Variants in MRS2 observed in about 807,000 individuals in gnomAD.
MRS2 encodes the protein magnesium transporter MRS2 homolog, mitochondrial.
In MRS2, 40 loss-of-function variants were observed where a neutral mutation model predicts 52.6. That is an observed-to-expected ratio of 0.76 (90% CI 0.59 to 0.99). MRS2 has a LOEUF of 0.99. Ranked by LOEUF, MRS2 falls within the 50% of genes least tolerant of loss-of-function variation. MRS2 has a pLI of 0.00. For missense variants in MRS2, 472 were observed against 532.7 expected, an observed-to-expected ratio of 0.89 and a Z score of 1.12; for synonymous variants, 193 against 195.9, an observed-to-expected ratio of 0.98 and a Z score of 0.13.
chr6:24,419,479 A>G (rs1357461020), intron 9 of MRS2, among the ~76,000 whole-genome samples: 1 of 152,214 alleles, frequency 6.6e-6, no homozygotes, highest in Non-Finnish European at 1.5e-5. Context: ...ATGTCTGGCA[A>G]CGTACCAGGC....
rs76582568 is a variant in MRS2 at position 24,412,203 on chromosome 6, G to GT, written c.415-6dup. On this transcript the variant is annotated intron_variant, in intron 4 of 10. Coordinates refer to ENST00000378386, the MANE Select transcript of MRS2 (RefSeq NM_020662.4). Reference sequence around the variant, plus strand: ...TACACTCACATATTTATATGTTTTGGTTTTTTTTTTTTTAACAGTATTTGA... The same window carrying GT: ...TACACTCACATATTTATATGTTTTGGTTTTTTTTTTTTTTAACAGTATTTGA... 222,878 of 1,098,076 alleles carry GT rather than the reference G, an allele frequency of 0.2. 1,165 individuals are homozygous for GT. The highest frequency in any genetic ancestry group is 0.22 in the South Asian group (12,953 of 59,430). 68.0% of individuals were successfully genotyped at this position (1,098,076 alleles called of 1,614,324 possible).
At chr6:24,418,786 C>G (rs1488453449) in intron 9 of MRS2, 1 of 396,986 alleles carries the variant, frequency 2.5e-6, no homozygotes, top group Non-Finnish European at 4.7e-6. Flanking sequence ...GTAATCCCAG[C>G]TACTTGGGAG....
intron 2 of MRS2, among the ~76,000 whole-genome samples, chr6:24,406,412 C>T (rs1346610032): frequency 1.3e-5 from 2 of 151,918 alleles, no homozygotes; most frequent in Non-Finnish European, 2.9e-5. Flanking sequence ...TAAATAACCC[C>T]CAGAATTGCG....
rs1475187332 is a variant in MRS2, at chr6:24,425,835, T to TA, written c.*2142dup. ...ACTGTTAAGCAGCACTAACCAATTT[T>TA]ATATTAAAAAGCTATTTATTTTGGT... On this transcript the variant is annotated 3_prime_UTR_variant, in exon 11 of 11. Transcript: ENST00000378386. 3 of 152,264 alleles carry TA rather than the reference T, an allele frequency of 2.0e-5. No homozygotes were observed. The highest frequency in any genetic ancestry group is 7.2e-5 in the African/African-American group (3 of 41,476). 9.4% of individuals were successfully genotyped at this position (152,264 alleles called of 1,614,324 possible). A position where few individuals can be genotyped will look rare whatever the true frequency, so the allele number is the denominator to read the frequency against.
chr6:24,420,949 C>G (rs1259043242), intron 9 of MRS2, among the ~76,000 whole-genome samples: 1 of 152,080 alleles, frequency 6.6e-6, no homozygotes, highest in East Asian at 1.9e-4. Context: ...TAGGAACCCA[C>G]TGGAGGTTTG....
At chr6:24,418,282 A>G (rs769791388) in intron 8 of MRS2, 46 bp downstream of exon 8, 3 of 1,473,494 alleles carry the variant, frequency 2.0e-6, no homozygotes, top group African/African-American at 2.9e-5. Context: ...TAAAATAATT[A>G]TAAGAAAGTT....
intron 3 of MRS2, 89 bp downstream of exon 3, chr6:24,408,533 A>G: frequency 1.1e-6 from 1 of 951,994 alleles, no homozygotes; most frequent in South Asian, 1.4e-5. Flanking sequence ...TGAGTAAAAT[A>G]TTCTTTGCAT....
intron 6 of MRS2, 58 bp downstream of exon 6, chr6:24,415,221 A>C: frequency 1.3e-6 from 2 of 1,481,544 alleles, no homozygotes; most frequent in Non-Finnish European, 1.8e-6. Flanking sequence ...AAAATCAATT[A>C]TTAACATTTT....
chr6:24,403,760 A>T (rs73384206), intron 1 of MRS2, among the ~76,000 whole-genome samples: 2,504 of 152,316 alleles, frequency 0.016, 58 homozygotes, highest in African/African-American at 0.054. Context: ...TTCGGAAGTC[A>T]TAAGTATAAA....
At chr6:24,409,700 T>C (rs1761590041) in intron 4 of MRS2, 127 bp downstream of exon 4, 1 of 603,584 alleles carries the variant, frequency 1.7e-6, no homozygotes, top group Non-Finnish European at 2.9e-6. Flanking sequence ...AAACATAGGA[T>C]GTTTTATAGC....
At position 24,416,439 on chromosome 6, in the gene MRS2, A is replaced by C. The variant is rs1323005133; in HGVS notation, c.762A>C (p.Ser254=). 1 of 1,601,460 alleles carries C rather than the reference A, an allele frequency of 6.2e-7. No individual in the cohort carries two copies. Among genetic ancestry groups the C allele is most frequent in the East Asian group, 2.2e-5 (1 of 44,718 alleles). Residue 254 remains serine (S), a synonymous_variant, in exon 7 of 11, where the codon TCA becomes TCC. Transcript: ENST00000378386. ...CAGATATTAAAATTTTCAAAGAGTC[A>C]ATTTTGGAGATCTTGGATGAGGAAG... ...LETDIKIFKE[S]ILEILDEEEL...
chr6:24,423,220 T>C (rs11969180), intron 10 of MRS2, 170 bp downstream of exon 10: 40,060 of 583,026 alleles, frequency 0.069, 1,725 homozygotes, highest in African/African-American at 0.13. Flanking sequence ...ACCTGCTTCA[T>C]AGGGTTATGG....
At chr6:24,415,010 T>C (rs917677270) in intron 5 of MRS2, 23 bp from the exon 6 acceptor site, 2 of 1,554,658 alleles carry the variant, frequency 1.3e-6, no homozygotes, top group Admixed American at 1.8e-5. Context: ...TTAATTCTTA[T>C]GAAAGGTCAT....
At chr6:24,408,368 T>C (rs1761542931) in intron 2 of MRS2, 40 bp from the exon 3 acceptor site, 1 of 1,343,274 alleles carries the variant, frequency 7.4e-7, no homozygotes, top group African/African-American at 1.4e-5. Context: ...GCATTCTAAT[T>C]TGAAAGAAAA....
chr6:24,422,280 A>C (rs951522103), intron 9 of MRS2, among the ~76,000 whole-genome samples: 2 of 152,246 alleles, frequency 1.3e-5, no homozygotes, highest in East Asian at 1.9e-4. Flanking sequence ...CAATGATAAC[A>C]GCATAGCTAT....
chr6:24,404,830 CCAGA>C (rs1475353013), intron 1 of MRS2, among the ~76,000 whole-genome samples: 1 of 152,116 alleles, frequency 6.6e-6, no homozygotes, highest in Non-Finnish European at 1.5e-5. Context: ...AAAAGGAAGA[CCAGA>C]CATTTTCTTA....
chr6:24,412,647 TTCA>T (rs2127289552), intron 5 of MRS2, among the ~76,000 whole-genome samples: 1 of 152,342 alleles, frequency 6.6e-6, no homozygotes, highest in Non-Finnish European at 1.5e-5. Context: ...ATTAAATCAT[TTCA>T]TCAAGTCATT....
rs780114561 is a variant in MRS2, at chr6:24,415,141, A to G, written c.697A>G (p.Ile233Val). The G allele has an allele frequency of 1.7e-5, 27 of 1,596,572 alleles. No homozygotes were observed. Among genetic ancestry groups the G allele is most frequent in the Non-Finnish European group, 2.2e-5 (26 of 1,166,852 alleles). The change falls in exon 6 of 11, where the codon ATT becomes GTT. Residue 233 changes from isoleucine to valine, a missense_variant. By Grantham distance (29) the Ile-to-Val change is conservative. Transcript: ENST00000378386. The stretch of plus-strand genomic sequence containing the variant: ...TTCTGTAGACAGAAGCAAACTGCAC[A>G]TTTTACTACAGAATGGCAAAAGGTA... ...HSSVDRSKLH[I>V]LLQNGKSLSE...
chr6:24,410,013 G>C (rs1761600731), intron 4 of MRS2, among the ~76,000 whole-genome samples: 1 of 151,950 alleles, frequency 6.6e-6, no homozygotes, highest in African/African-American at 2.4e-5. Flanking sequence ...TTTTGAGATG[G>C]AGTTTTGCTC....
Sources: gnomAD v4.1 joint callset for allele counts (sites outside exome capture counted in the v4.1 genomes callset) on GRCh38, gnomAD v4.1.1 for gene constraint, MANE v1.5 for transcripts, NCBI Gene and HGNC (gene_info 2026-07-23, HGNC 2026-07-21) for gene names.